Variants in ZSWIM9 observed in about 807,000 individuals in gnomAD.
The protein encoded by ZSWIM9 is uncharacterized protein ZSWIM9.
ZSWIM9 carries 11 observed loss-of-function variants against 25.0 expected under a neutral mutation model. The ratio of observed to expected loss-of-function variants is 0.44; its 90% CI spans 0.28 to 0.73. The LOEUF is 0.73. Among genes scored for constraint, ZSWIM9 ranks in the 30% least tolerant of loss-of-function variants. The pLI is 0.16. For synonymous variants in ZSWIM9, 562 were observed against 582.1 expected, an observed-to-expected ratio of 0.97 and a Z score of 0.50; for missense variants, 1,070 against 1,296.5, an observed-to-expected ratio of 0.83 and a Z score of 2.68.
In ZSWIM9 at chr19:48,196,374, G is replaced by A. The variant is rs1411171561; in HGVS notation, c.2310G>A (p.Pro770=). The A allele has an allele frequency of 3.2e-6, 4 of 1,231,296 alleles. No homozygotes were observed. Among genetic ancestry groups the A allele is most frequent in the Non-Finnish European group, 3.0e-6 (3 of 987,714 alleles). The allele number at this position is 1,231,296 out of a possible 1,614,324, so 76.3% of individuals were successfully genotyped here. ...GLGNGVVSGT[P]VGTVLEGSPE... ...GGAATGGAGTCGTGTCTGGCACCCC[G>A]GTGGGGACTGTATTGGAAGGCAGCC... is the stretch of plus-strand genomic sequence containing the variant. The change falls in exon 4 of 4, where the codon CCG becomes CCA. Residue 770 remains proline, a synonymous_variant. Coordinates refer to ENST00000614654, the MANE Select transcript of ZSWIM9 (RefSeq NM_199341.4).
chr19:48,194,155 G>T lies in ZSWIM9; in HGVS notation c.589-498G>T, dbSNP rs2037130148. ...CACCAGACCAGTCATCCTTAAGCAT[G>T]CATAGGAGTCCCCTGGAGGGCTTGT... is the stretch of plus-strand genomic sequence containing the variant. On this transcript the variant is annotated intron_variant, in intron 3 of 3. Coordinates refer to ENST00000614654, the MANE Select transcript of ZSWIM9 (RefSeq NM_199341.4). The surrounding 1 kb of genome is among the most constrained non-coding windows in gnomAD (Gnocchi z 6.0). 6.6e-6 allele frequency among the ~76,000 whole-genome samples: 1 copy of T among 152,194 alleles called. No individual in the cohort carries two copies. Among genetic ancestry groups the T allele is most frequent in the South Asian group, 2.1e-4 (1 of 4,836 alleles).
chr19:48,185,795 T>G (rs2037004794), intron 3 of ZSWIM9, among the ~76,000 whole-genome samples: 1 of 152,178 alleles, frequency 6.6e-6, no homozygotes, highest in South Asian at 2.1e-4. Context: ...GAGACCAGCA[T>G]GGCCAACATG....
At position 48,194,165 on chromosome 19, in the gene ZSWIM9, C is replaced by T. The variant is rs1410426270; in HGVS notation, c.589-488C>T. On this transcript the variant is annotated intron_variant, in intron 3 of 3. Coordinates refer to ENST00000614654, the MANE Select transcript of ZSWIM9 (RefSeq NM_199341.4). This position sits in a 1 kb window ranked among gnomAD's most constrained non-coding sequence, Gnocchi z 6.0. ...GTCATCCTTAAGCATGCATAGGAGT[C>T]CCCTGGAGGGCTTGTCAAACTAGAT... Among the ~76,000 whole-genome samples, 1 of 152,142 alleles carries T rather than the reference C, an allele frequency of 6.6e-6. No individual in the cohort carries two copies. Among genetic ancestry groups the T allele is most frequent in the East Asian group, 1.9e-4 (1 of 5,190 alleles).
At chr19:48,175,265 G>A (rs1252142898) in intron 2 of ZSWIM9, among the ~76,000 whole-genome samples, 1 of 152,150 alleles carries the variant, frequency 6.6e-6, no homozygotes, top group Non-Finnish European at 1.5e-5. Context: ...AGGGCCCTGG[G>A]TACACTCCTG....
intron 2 of ZSWIM9, among the ~76,000 whole-genome samples, chr19:48,176,269 A>C (rs1284367942): frequency 6.6e-6 from 1 of 152,188 alleles, no homozygotes; most frequent in Non-Finnish European, 1.5e-5. Flanking sequence ...CCTTGAAAAA[A>C]AGTTTAAAAA....
At chr19:48,179,355 G>A (rs2036924478) in intron 2 of ZSWIM9, among the ~76,000 whole-genome samples, 1 of 151,976 alleles carries the variant, frequency 6.6e-6, no homozygotes, top group South Asian at 2.1e-4. Context: ...TTTTTGTAGA[G>A]AAGGGCTCTT....
At position 48,195,375 on chromosome 19, in the gene ZSWIM9, C is replaced by G; in HGVS notation, c.1311C>G (p.Asp437Glu). ...ACCTGGTGGCCATGCAGTGGGCCGA[C>G]GCGGCCGGGGAGGCGGTGCCCGAGG... ...LRDLVAMQWA[D>E]AAGEAVPEGP... The change falls in exon 4 of 4, where the codon GAC becomes GAG. Residue 437 changes from aspartate (D) to glutamate (E), a missense_variant. Physicochemically the swap from Asp to Glu is conservative, Grantham distance 45. Coordinates refer to ENST00000614654, the MANE Select transcript of ZSWIM9 (RefSeq NM_199341.4). The surrounding 1 kb of genome is among the most constrained non-coding windows in gnomAD (Gnocchi z 5.8). 1 of 1,507,204 alleles carries G rather than the reference C, an allele frequency of 6.6e-7. No individual in the cohort carries two copies. The highest frequency in any genetic ancestry group is 8.8e-7 in the Non-Finnish European group (1 of 1,135,502). The allele number at this position is 1,507,204 out of a possible 1,614,324, so 93.4% of individuals were successfully genotyped here.
In ZSWIM9 at chr19:48,196,439, G is replaced by A; in HGVS notation, c.2375G>A (p.Gly792Asp). Residue 792 changes from glycine to aspartate, a missense_variant, in exon 4 of 4, where the codon GGT becomes GAT. Physicochemically the swap from Gly to Asp is moderately conservative, Grantham distance 94. Coordinates refer to ENST00000614654, the MANE Select transcript of ZSWIM9 (RefSeq NM_199341.4). ...GCGAGGAGTGAACACCTGGCTGCAG[G>A]TGACGGCCTGCAGGAAGGAGGCGAA... ...AAARSEHLAA[G>D]DGLQEGGEDG... 8.1e-7 allele frequency: 1 copy of A among 1,232,574 alleles called. No homozygotes were observed. The highest frequency in any genetic ancestry group is 1.0e-6 in the Non-Finnish European group (1 of 988,360). 76.4% of individuals were successfully genotyped at this position (1,232,574 alleles called of 1,614,324 possible).
chr19:48,195,238 C>A lies in ZSWIM9; in HGVS notation c.1174C>A (p.Arg392Ser). ...EPRRDMWVRF[R>S]AFEAARDLDA... ...CCGCCGCGACATGTGGGTCCGCTTC[C>A]GCGCCTTCGAGGCGGCCAGAGACCT... The change falls in exon 4 of 4, where the codon CGC becomes AGC. Residue 392 changes from arginine (R) to serine (S), a missense_variant. Arg to Ser is a moderately radical substitution (Grantham distance 110). Coordinates refer to ENST00000614654, the MANE Select transcript of ZSWIM9 (RefSeq NM_199341.4). The surrounding 1 kb of genome is among the most constrained non-coding windows in gnomAD (Gnocchi z 5.8). 6.5e-7 allele frequency: 1 copy of A among 1,529,078 alleles called. No homozygotes were observed. Among genetic ancestry groups the A allele is most frequent in the Non-Finnish European group, 8.7e-7 (1 of 1,143,076 alleles). 94.7% of individuals were successfully genotyped at this position (1,529,078 alleles called of 1,614,324 possible).
chr19:48,177,954 A>G (rs1187506998), intron 2 of ZSWIM9, among the ~76,000 whole-genome samples: 2 of 151,958 alleles, frequency 1.3e-5, no homozygotes, highest in Admixed American at 6.6e-5. Context: ...CTGGAGTGCA[A>G]TGGTGTAGTC....
chr19:48,197,066 G>A lies in ZSWIM9; in HGVS notation c.*239G>A. Reference sequence around the variant, plus strand: ...GTTGATGGGCAGGGTGGATTCTGAGGGCTTCCCTCTGGAGAGGAAGCATGT... The same window carrying A: ...GTTGATGGGCAGGGTGGATTCTGAGAGCTTCCCTCTGGAGAGGAAGCATGT... On this transcript the variant is annotated 3_prime_UTR_variant, in exon 4 of 4. Coordinates refer to ENST00000614654, the MANE Select transcript of ZSWIM9 (RefSeq NM_199341.4). 1 of 551,446 alleles carries A rather than the reference G, an allele frequency of 1.8e-6. No homozygotes were observed. Among genetic ancestry groups the A allele is most frequent in the Admixed American group, 3.1e-5 (1 of 32,366 alleles). The allele number at this position is 551,446 out of a possible 1,614,324, so 34.2% of individuals were successfully genotyped here. A position where few individuals can be genotyped will look rare whatever the true frequency, so the allele number is the denominator to read the frequency against.
chr19:48,174,127 C>T (rs2123178640), intron 2 of ZSWIM9, among the ~76,000 whole-genome samples: 1 of 151,826 alleles, frequency 6.6e-6, no homozygotes, highest in East Asian at 1.9e-4. Context: ...GTTTTGCCTG[C>T]CTGGTCCCAG....
At chr19:48,178,398 T>A (rs2036914602) in intron 2 of ZSWIM9, among the ~76,000 whole-genome samples, 1 of 152,090 alleles carries the variant, frequency 6.6e-6, no homozygotes, top group Non-Finnish European at 1.5e-5. Context: ...CTGGGGAGAA[T>A]CACCCAGTTG....
chr19:48,187,459 A>ATATAATAT (rs1416122137), intron 3 of ZSWIM9, among the ~76,000 whole-genome samples: 1 of 81,256 alleles, frequency 1.2e-5, no homozygotes, highest in Admixed American at 2.2e-4. Flanking sequence ...ATTATATATT[A>ATATAATAT]ATTATATATA....
At chr19:48,190,070 G>A (rs143515272) in intron 3 of ZSWIM9, among the ~76,000 whole-genome samples, 1,643 of 151,952 alleles carry the variant, frequency 0.011, 31 homozygotes, top group African/African-American at 0.037. Context: ...AGGCATGCTC[G>A]TGGGTGCCTG....
intron 3 of ZSWIM9, among the ~76,000 whole-genome samples, chr19:48,184,059 A>T (rs2036984612): frequency 6.6e-6 from 1 of 151,816 alleles, no homozygotes; most frequent in African/African-American, 2.4e-5. Context: ...CACCATGCAG[A>T]TGGAGAATTA....
chr19:48,197,403 A>C lies in ZSWIM9; in HGVS notation c.*576A>C. The C allele has an allele frequency of 9.5e-6, 6 of 628,956 alleles. No individual in the cohort carries two copies. The highest frequency in any genetic ancestry group is 2.8e-5 in the East Asian group (1 of 36,202). 39.0% of individuals were successfully genotyped at this position (628,956 alleles called of 1,614,324 possible). ...ACGGGATGTAGGAGGGGGAAGAAAA[A>C]TCGGAGATGAGACAAAAGAAATGTG... is the stretch of plus-strand genomic sequence containing the variant. On this transcript the variant is annotated 3_prime_UTR_variant, in exon 4 of 4. Coordinates refer to ENST00000614654, the MANE Select transcript of ZSWIM9 (RefSeq NM_199341.4).
rs1452352292 is a variant in ZSWIM9 at position 48,195,383 on chromosome 19, G to A, written c.1319G>A (p.Gly440Glu). 8.0e-6 allele frequency: 12 copies of A among 1,494,914 alleles called. No individual in the cohort carries two copies. Among genetic ancestry groups the A allele is most frequent in the East Asian group, 2.6e-5 (1 of 39,128 alleles). 92.6% of individuals were successfully genotyped at this position (1,494,914 alleles called of 1,614,324 possible). A position where few individuals can be genotyped will look rare whatever the true frequency, so the allele number is the denominator to read the frequency against. ...GCCATGCAGTGGGCCGACGCGGCCG[G>A]GGAGGCGGTGCCCGAGGGGCCCGAT... The part of the protein sequence containing the change: ...LVAMQWADAA[G>E]EAVPEGPDGG... The change falls in exon 4 of 4, where the codon GGG (glycine) becomes GAG (glutamate). Residue 440 changes from glycine to glutamate, a missense_variant. Physicochemically the swap from Gly to Glu is moderately conservative, Grantham distance 98. Transcript: ENST00000614654. The surrounding 1 kb of genome is among the most constrained non-coding windows in gnomAD (Gnocchi z 5.8).
intron 3 of ZSWIM9, among the ~76,000 whole-genome samples, chr19:48,187,443 T>TTATATATTATATATTAATTATATATATTA (rs1568579389): frequency 2.3e-5 from 2 of 86,910 alleles, no homozygotes; most frequent in African/African-American, 4.1e-5. Context: ...ATTATATATA[T>TTATATATTATATATTAATTATATATATTA]TATATATTAT....
Sources: allele counts gnomAD v4.1 joint callset (sites outside exome capture counted in the v4.1 genomes callset), GRCh38; gene constraint gnomAD v4.1.1; non-coding constraint Gnocchi (gnomAD v3.1); transcripts MANE v1.5; gene names NCBI Gene and HGNC (gene_info 2026-07-23, HGNC 2026-07-21).